Variants in CLIC4 observed in about 807,000 individuals in gnomAD.
CLIC4 encodes chloride intracellular channel protein 4.
CLIC4 carries 13 observed loss-of-function variants against 24.6 expected under a neutral mutation model. The observed-to-expected ratio is 0.53, with a 90% confidence interval of 0.34 to 0.84. CLIC4 has a LOEUF of 0.84. Ranked by LOEUF, CLIC4 falls within the 40% of genes least tolerant of loss-of-function variation. The pLI is 0.01. For synonymous variants in CLIC4, 104 were observed against 111.3 expected, an observed-to-expected ratio of 0.93 and a Z score of 0.41; for missense variants, 227 against 301.7, an observed-to-expected ratio of 0.75 and a Z score of 1.83.
intron 2 of CLIC4, among the ~76,000 whole-genome samples, chr1:24,808,678 A>ATTT (rs35508226): frequency 3.6e-5 from 5 of 138,290 alleles, no homozygotes; most frequent in African/African-American, 5.4e-5. Flanking sequence ...TATCTATAAA[A>ATTT]TTTTTTTTTT....
At chr1:24,783,192 G>C (rs893383424) in intron 1 of CLIC4, among the ~76,000 whole-genome samples, 1 of 152,076 alleles carries the variant, frequency 6.6e-6, no homozygotes, top group African/African-American at 2.4e-5. Context: ...TTACGTTACA[G>C]TTATAATTTC....
intron 1 of CLIC4, among the ~76,000 whole-genome samples, chr1:24,768,132 C>T (rs1249522745): frequency 6.6e-6 from 1 of 152,120 alleles, no homozygotes; most frequent in Non-Finnish European, 1.5e-5. Flanking sequence ...TGAGCCACCA[C>T]GCCCAGCCAA....
chr1:24,820,267 C>CTTTTTTTTTT lies in CLIC4; in HGVS notation c.308+6064_308+6073dup, dbSNP rs372726009. ...TCCCACTTCTAGGTCCCTTTTTGGTCTTTTTTTTTTTTTTTTTTTTTTTTT... is the reference window on the plus strand; with the variant it reads ...TCCCACTTCTAGGTCCCTTTTTGGTCTTTTTTTTTTTTTTTTTTTTTTTTTTTTTTTTTTT... On this transcript the variant is annotated intron_variant, in intron 3 of 5. Coordinates refer to ENST00000374379, the MANE Select transcript of CLIC4 (RefSeq NM_013943.3). Among the ~76,000 whole-genome samples the CTTTTTTTTTT allele has an allele frequency of 3.4e-4, 17 of 49,772 alleles. 1 individual carries two copies. The highest frequency in any genetic ancestry group is 1.2e-3 in the South Asian group (1 of 808). The allele number at this position is 49,772 out of a possible 152,430, so 32.7% of individuals were successfully genotyped here. A position where few individuals can be genotyped will look rare whatever the true frequency, so the allele number is the denominator to read the frequency against.
At chr1:24,769,063 C>T (rs1415865336) in intron 1 of CLIC4, among the ~76,000 whole-genome samples, 2 of 151,544 alleles carry the variant, frequency 1.3e-5, no homozygotes, top group Non-Finnish European at 2.9e-5. Flanking sequence ...GAGATTGAGG[C>T]TGTAGTGAGC....
Position 24,839,851 on chromosome 1 carries a change from C to T in CLIC4, c.416-9C>T. 6.3e-7 allele frequency: 1 copy of T among 1,591,790 alleles called. No homozygotes were observed. Among genetic ancestry groups the T allele is most frequent in the Non-Finnish European group, 8.5e-7 (1 of 1,172,056 alleles). On this transcript the variant is annotated splice_polypyrimidine_tract_variant and intron_variant, in intron 4 of 5. Transcript: ENST00000374379. Reference sequence around the variant, plus strand: ...TACAGTATTCTCATCTCTTTTTTTCCCCCCCAAGCACTGGAGAGGGGTCTC... The same window carrying T: ...TACAGTATTCTCATCTCTTTTTTTCTCCCCCAAGCACTGGAGAGGGGTCTC...
At chr1:24,789,522 CAAAT>C (rs1639309328) in intron 1 of CLIC4, among the ~76,000 whole-genome samples, 1 of 151,982 alleles carries the variant, frequency 6.6e-6, no homozygotes, top group South Asian at 2.1e-4. Flanking sequence ...TGTCTCAAAA[CAAAT>C]AAACAAACAA....
intron 1 of CLIC4, among the ~76,000 whole-genome samples, chr1:24,760,746 A>G (rs1638916657): frequency 6.6e-6 from 1 of 152,178 alleles, no homozygotes; most frequent in African/African-American, 2.4e-5. Context: ...TCATTATGGC[A>G]GTCATATTCA....
chr1:24,800,569 C>T (rs1264842354), intron 2 of CLIC4, among the ~76,000 whole-genome samples: 1 of 152,194 alleles, frequency 6.6e-6, no homozygotes, highest in Non-Finnish European at 1.5e-5. Context: ...GAGGTGTGCC[C>T]AACAGTTCAT....
At chr1:24,770,806 T>C (rs1238100869) in intron 1 of CLIC4, among the ~76,000 whole-genome samples, 2 of 152,204 alleles carry the variant, frequency 1.3e-5, no homozygotes, top group African/African-American at 4.8e-5. Context: ...GCTGGACTCA[T>C]CTTTGTAAGT....
intron 1 of CLIC4, among the ~76,000 whole-genome samples, chr1:24,784,595 A>G (rs1639242651): frequency 6.6e-6 from 1 of 152,210 alleles, no homozygotes; most frequent in Non-Finnish European, 1.5e-5. Flanking sequence ...CAAGCTAATC[A>G]TTTCCTCTCT....
At chr1:24,767,618 C>T (rs1008349206) in intron 1 of CLIC4, among the ~76,000 whole-genome samples, 1 of 152,192 alleles carries the variant, frequency 6.6e-6, no homozygotes, top group Non-Finnish European at 1.5e-5. Context: ...AACTAAAGGA[C>T]AGTCAGATTG....
intron 4 of CLIC4, among the ~76,000 whole-genome samples, chr1:24,829,147 G>C (rs1160738767): frequency 2.0e-5 from 3 of 152,020 alleles, no homozygotes; most frequent in African/African-American, 7.3e-5. Context: ...TGAATTTGTC[G>C]TTTTACATGG....
chr1:24,748,049 C>G (rs1040832376), intron 1 of CLIC4, among the ~76,000 whole-genome samples: 3 of 151,192 alleles, frequency 2.0e-5, no homozygotes, highest in Admixed American at 2.0e-4. Context: ...AAAGATAAAG[C>G]TATTATCAGT....
intron 2 of CLIC4, 24 bp downstream of exon 2, chr1:24,797,875 ATCAACTTAAGCTGAACT>A: frequency 6.6e-7 from 1 of 1,509,382 alleles, no homozygotes; most frequent in Non-Finnish European, 9.2e-7. Context: ...GCAGTTTGCA[ATCAACTTAAGCTGAACT>A]ATCTTTTCAG....
At chr1:24,757,009 C>T (rs1486425151) in intron 1 of CLIC4, among the ~76,000 whole-genome samples, 1 of 152,172 alleles carries the variant, frequency 6.6e-6, no homozygotes, top group Non-Finnish European at 1.5e-5. Flanking sequence ...AATTCTCCTG[C>T]CTCAGCCTCC....
At chr1:24,833,964 A>AC (rs1294562647) in intron 4 of CLIC4, among the ~76,000 whole-genome samples, 1 of 326 alleles carries the variant, frequency 3.1e-3, no homozygotes, top group African/African-American at 4.0e-3. Flanking sequence ...CAGGGGGCTG[A>AC]CCCCCCCCAC....
At chr1:24,748,492 G>GTT (rs1360200160) in intron 1 of CLIC4, among the ~76,000 whole-genome samples, 1,562 of 62,970 alleles carry the variant, frequency 0.025, 33 homozygotes, top group Non-Finnish European at 0.04. Context: ...TACAGATCAG[G>GTT]TTTTTTGTTT....
intron 1 of CLIC4, among the ~76,000 whole-genome samples, chr1:24,774,636 T>A (rs1020401861): frequency 6.6e-6 from 1 of 151,720 alleles, no homozygotes; most frequent in African/African-American, 2.4e-5. Context: ...CTACAAAAAA[T>A]TGAAAAAATA....
chr1:24,826,933 C>A, intron 3 of CLIC4, 77 bp from the exon 4 acceptor site: 2 of 921,582 alleles, frequency 2.2e-6, no homozygotes, highest in Non-Finnish European at 1.7e-6. Context: ...CTAGTAACTG[C>A]TAGCATGGTG....
Sources: gnomAD v4.1 joint callset for allele counts (sites outside exome capture counted in the v4.1 genomes callset) on GRCh38, gnomAD v4.1.1 for gene constraint, MANE v1.5 for transcripts, NCBI Gene and HGNC (gene_info 2026-07-23, HGNC 2026-07-21) for gene names.